The following RBFOX1 variants were observed in gnomAD, a reference collection of about 807,000 sequenced individuals.
RBFOX1 encodes RNA binding protein fox-1 homolog 1.
A neutral mutation model predicts 57.7 loss-of-function variants in RBFOX1; 8 were observed. The ratio of observed to expected loss-of-function variants is 0.14; its 90% confidence interval spans 0.08 to 0.25. The LOEUF (loss-of-function observed/expected upper bound fraction) is 0.25. RBFOX1 is among the 10% of genes least tolerant of loss of function. The probability of loss-of-function intolerance (pLI) is 1.00; values close to 1 mark genes in which losing one functional copy is unlikely to be tolerated. For missense variants in RBFOX1, 611 were observed against 548.5 expected, an observed-to-expected ratio of 1.11 and a Z score of -1.14; for synonymous variants, 326 against 222.4, an observed-to-expected ratio of 1.47 and a Z score of -4.15.
chr16:7,060,842 C>T (rs1385570779), intron 4 of RBFOX1, among the ~76,000 whole-genome samples: 1 of 152,166 alleles, frequency 6.6e-6, no homozygotes, highest in Non-Finnish European at 1.5e-5. Context: ...TCCTCAAAAG[C>T]ATTCCTCTGT....
chr16:7,649,169 G>C lies in RBFOX1; in HGVS notation c.758-4646G>C, dbSNP rs555266318. ...GACAGTAGGATGTTCCCAAAAGTAA[G>C]AGGAGGAGCATGTCCACCCCTTGGT... On this transcript the variant is annotated intron_variant, in intron 11 of 15. Transcript: ENST00000550418. 4.6e-5 allele frequency among the ~76,000 whole-genome samples: 7 copies of C among 152,254 alleles called. No individual in the cohort carries two copies. The East Asian group carries it at 1.4e-3, about 29-fold the overall frequency.
intron 4 of RBFOX1, among the ~76,000 whole-genome samples, chr16:7,190,276 T>G (rs909164060): frequency 6.6e-6 from 1 of 152,080 alleles, no homozygotes; most frequent in Admixed American, 6.5e-5. Context: ...GGAGAATCAC[T>G]TGAACGCAGG....
chr16:5,671,729 C>A (rs1031316611), intron 3 of RBFOX1, among the ~76,000 whole-genome samples: 1 of 152,176 alleles, frequency 6.6e-6, no homozygotes. Context: ...ATTTTAGGAG[C>A]TAATGCTTTT....
At chr16:5,259,888 G>A (rs2062690664) in intron 1 of RBFOX1, among the ~76,000 whole-genome samples, 1 of 152,124 alleles carries the variant, frequency 6.6e-6, no homozygotes, top group South Asian at 2.1e-4. Context: ...GAGTGGGTAT[G>A]ATCAGATCTT....
At chr16:7,473,310 G>A (rs960766612) in intron 4 of RBFOX1, among the ~76,000 whole-genome samples, 6 of 151,530 alleles carry the variant, frequency 4.0e-5, no homozygotes, top group Admixed American at 2.0e-4. Flanking sequence ...CTCAGGAGGC[G>A]GAGGTTGTAG....
chr16:5,610,925 G>T (rs1205502300), intron 3 of RBFOX1, among the ~76,000 whole-genome samples: 1 of 152,088 alleles, frequency 6.6e-6, no homozygotes, highest in East Asian at 1.9e-4. Flanking sequence ...CTGGCTGGCT[G>T]AGCATTTTAA....
chr16:7,341,267 C>A (rs560539152), intron 4 of RBFOX1, among the ~76,000 whole-genome samples: 1 of 152,304 alleles, frequency 6.6e-6, no homozygotes, highest in Non-Finnish European at 1.5e-5. Flanking sequence ...TTCCTCTGAG[C>A]AACCGAGACC....
intron 1 of RBFOX1, among the ~76,000 whole-genome samples, chr16:5,358,750 C>G (rs1356292191): frequency 6.6e-6 from 1 of 152,186 alleles, no homozygotes; most frequent in Non-Finnish European, 1.5e-5. Context: ...TCGCTTGAAC[C>G]TGGGAGGCAA....
chr16:5,803,346 G>A (rs2055119948), intron 3 of RBFOX1, among the ~76,000 whole-genome samples: 1 of 152,106 alleles, frequency 6.6e-6, no homozygotes, highest in Admixed American at 6.5e-5. Context: ...GAGGGATATT[G>A]GAAGAGTGGT....
intron 4 of RBFOX1, among the ~76,000 whole-genome samples, chr16:7,402,729 G>A (rs566287234): frequency 5.9e-5 from 9 of 152,214 alleles, no homozygotes; most frequent in African/African-American, 1.4e-4. Flanking sequence ...TTCATATAAC[G>A]TGACTTTGAG....
intron 4 of RBFOX1, among the ~76,000 whole-genome samples, chr16:7,442,852 C>G (rs778964976): frequency 6.6e-6 from 1 of 151,660 alleles, no homozygotes; most frequent in African/African-American, 2.4e-5. Flanking sequence ...GATTCAGGAC[C>G]TGGCCTATGG....
intron 1 of RBFOX1, among the ~76,000 whole-genome samples, chr16:5,296,918 C>T (rs191873517): frequency 1.3e-5 from 2 of 152,176 alleles, no homozygotes; most frequent in Admixed American, 6.5e-5. Context: ...CCTCATGATC[C>T]TCCTGCCTCG....
At chr16:6,645,756 C>T (rs1029546374) in intron 2 of RBFOX1, among the ~76,000 whole-genome samples, 1 of 152,172 alleles carries the variant, frequency 6.6e-6, no homozygotes, top group Non-Finnish European at 1.5e-5. Context: ...GGACAGCTGA[C>T]ATTTACTGAT....
intron 3 of RBFOX1, among the ~76,000 whole-genome samples, chr16:5,742,377 T>C (rs2052807610): frequency 7.7e-6 from 1 of 130,548 alleles, no homozygotes; most frequent in African/African-American, 2.7e-5. Flanking sequence ...CTTCCTCTCC[T>C]TCTCCAAACC....
chr16:7,035,310 G>A (rs191270041), intron 3 of RBFOX1, among the ~76,000 whole-genome samples: 1 of 152,098 alleles, frequency 6.6e-6, no homozygotes, highest in Admixed American at 6.5e-5. Flanking sequence ...CCATTTGACT[G>A]TGGTGCTGGC....
intron 3 of RBFOX1, among the ~76,000 whole-genome samples, chr16:6,769,367 T>G (rs1041510850): frequency 6.6e-6 from 1 of 152,200 alleles, no homozygotes; most frequent in Admixed American, 6.5e-5. Context: ...TTGCCTAGGC[T>G]TGAGTATGTC....
intron 2 of RBFOX1, among the ~76,000 whole-genome samples, chr16:6,498,347 G>T (rs2095830578): frequency 6.6e-6 from 1 of 151,980 alleles, no homozygotes; most frequent in African/African-American, 2.4e-5. Context: ...CTTATGAGCA[G>T]AAATATATAT....
At chr16:7,320,023 C>T (rs17143454) in intron 4 of RBFOX1, among the ~76,000 whole-genome samples, 29,203 of 151,932 alleles carry the variant, frequency 0.19, 4,536 homozygotes, top group African/African-American at 0.44. Context: ...TGCAAGTGTA[C>T]GTGTATGTAT....
intron 3 of RBFOX1, among the ~76,000 whole-genome samples, chr16:6,804,156 C>T (rs527714597): frequency 5.3e-5 from 8 of 151,880 alleles, no homozygotes; most frequent in South Asian, 2.1e-4. Context: ...TACAGGTGCC[C>T]GCCACCATGC....
Sources: gnomAD v4.1 joint callset for allele counts (sites outside exome capture counted in the v4.1 genomes callset) on GRCh38, gnomAD v4.1.1 for gene constraint, MANE v1.5 for transcripts, NCBI Gene and HGNC (gene_info 2026-07-23, HGNC 2026-07-21) for gene names.